The following MYL3 variants were observed in gnomAD, a reference collection of about 807,000 sequenced individuals.
MYL3 encodes the protein myosin light chain 3, also known as CMLC1.
Under a neutral mutation model 21.3 loss-of-function variants are expected in MYL3, and 11 were observed. That is an observed-to-expected ratio of 0.52 (90% CI 0.32 to 0.85). The LOEUF is 0.85. Ranked by LOEUF, MYL3 falls within the 40% of genes least tolerant of loss-of-function variation. The pLI is 0.03. For missense variants in MYL3, 206 were observed against 253.3 expected, an observed-to-expected ratio of 0.81 and a Z score of 1.27; for synonymous variants, 88 against 91.6, an observed-to-expected ratio of 0.96 and a Z score of 0.22.
At position 46,859,350 on chromosome 3, in the gene MYL3, T is replaced by G; in HGVS notation, c.481+125A>C. On this transcript the variant is annotated intron_variant, in intron 4 of 6. Transcript: ENST00000292327. This position sits in a 1 kb window ranked among gnomAD's most constrained non-coding sequence, Gnocchi z 4.1. ...AAGTAACATTTCTGTTGTCTGCCATTGAGGCTCCCTAATTATGTAACTCTC... is the reference window on the plus strand; with the variant it reads ...AAGTAACATTTCTGTTGTCTGCCATGGAGGCTCCCTAATTATGTAACTCTC... 1.0e-5 allele frequency: 13 copies of G among 1,258,858 alleles called. No individual in the cohort carries two copies. The highest frequency in any genetic ancestry group is 2.6e-5 in the South Asian group (2 of 77,978). The allele number at this position is 1,258,858 out of a possible 1,614,324, so 78.0% of individuals were successfully genotyped here. A position where few individuals can be genotyped will look rare whatever the true frequency, so the allele number is the denominator to read the frequency against.
At chr3:46,881,416 A>C (rs1409746461) in intron 1 of MYL3, among the ~76,000 whole-genome samples, 1 of 151,838 alleles carries the variant, frequency 6.6e-6, no homozygotes, top group Non-Finnish European at 1.5e-5. Flanking sequence ...GCCCGGTCCG[A>C]GCCGGCCGAT....
rs2030087904 is a variant in MYL3 at position 46,874,700 on chromosome 3, C to A, written c.-218+7374G>T. Among the ~76,000 whole-genome samples, 1 of 152,188 alleles carries A rather than the reference C, an allele frequency of 6.6e-6. No individual in the cohort carries two copies. Among genetic ancestry groups the A allele is most frequent in the African/African-American group, 2.4e-5 (1 of 41,432 alleles). ...GAGGCGGAAACACGTGTCAAACACG[C>A]CTGGGAGGGGGTATTCCGAGGCACA... On this transcript the variant is annotated intron_variant, in intron 1 of 3. Transcript: ENST00000431168. This position sits in a 1 kb window ranked among gnomAD's most constrained non-coding sequence, Gnocchi z 4.1.
chr3:46,859,342 T>C lies in MYL3; in HGVS notation c.481+133A>G, dbSNP rs1053020835. 3 of 1,142,172 alleles carry C rather than the reference T, an allele frequency of 2.6e-6. No homozygotes were observed. In the African/African-American group the frequency reaches 4.6e-5, roughly 17 times the overall value. 70.8% of individuals were successfully genotyped at this position (1,142,172 alleles called of 1,614,324 possible). ...CTCCTCCTAAGTAACATTTCTGTTG[T>C]CTGCCATTGAGGCTCCCTAATTATG... On this transcript the variant is annotated intron_variant, in intron 4 of 6. Transcript: ENST00000292327. The surrounding 1 kb of genome is among the most constrained non-coding windows in gnomAD (Gnocchi z 4.1).
At chr3:46,869,288 T>C (rs114188879) in intron 1 of MYL3, among the ~76,000 whole-genome samples, 3,068 of 152,168 alleles carry the variant, frequency 0.02, 52 homozygotes, top group Non-Finnish European at 0.033. Context: ...GGAGCTGCTA[T>C]TGAGGTTTGC....
At chr3:46,858,992 C>G (rs1701962000) in intron 4 of MYL3, among the ~76,000 whole-genome samples, 1 of 152,106 alleles carries the variant, frequency 6.6e-6, no homozygotes, top group Non-Finnish European at 1.5e-5. Flanking sequence ...GGAGCTGAAA[C>G]AGTAGACACT....
chr3:46,868,874 GGTCT>G (rs1702075048), intron 1 of MYL3, among the ~76,000 whole-genome samples: 1 of 152,214 alleles, frequency 6.6e-6, no homozygotes, highest in Admixed American at 6.5e-5. Flanking sequence ...GCATCAGTTG[GGTCT>G]GTGCATTCTG....
chr3:46,881,181 G>T (rs962831475), intron 1 of MYL3: 1 of 152,236 alleles, frequency 6.6e-6, no homozygotes, highest in Non-Finnish European at 1.5e-5. Context: ...TCATGCATTC[G>T]CTTCCTCCGC....
Position 46,859,797 on chromosome 3 carries a change from A to C in MYL3, c.308-149T>G. The C allele has an allele frequency of 1.1e-6, 1 of 932,560 alleles. No individual in the cohort carries two copies. The highest frequency in any genetic ancestry group is 1.7e-6 in the Non-Finnish European group (1 of 583,192). The allele number at this position is 932,560 out of a possible 1,614,324, so 57.8% of individuals were successfully genotyped here. ...TCACAGCAGTCTACACCAGTTTGCCATTTAAAAGCAAACTACCATCGCGAG... is the reference window on the plus strand; with the variant it reads ...TCACAGCAGTCTACACCAGTTTGCCCTTTAAAAGCAAACTACCATCGCGAG... On this transcript the variant is annotated intron_variant, in intron 3 of 6. Transcript: ENST00000292327. The surrounding 1 kb of genome is among the most constrained non-coding windows in gnomAD (Gnocchi z 4.1).
chr3:46,871,319 C>A (rs1203274478), intron 1 of MYL3, among the ~76,000 whole-genome samples: 2 of 152,038 alleles, frequency 1.3e-5, no homozygotes, highest in Non-Finnish European at 2.9e-5. Flanking sequence ...TCCTCTCACC[C>A]CACCCTACCC....
intron 1 of MYL3, among the ~76,000 whole-genome samples, chr3:46,870,497 T>A (rs1702099037): frequency 6.6e-6 from 1 of 151,862 alleles, no homozygotes; most frequent in African/African-American, 2.4e-5. Flanking sequence ...CACCCAGGGC[T>A]CTCCCCACTC....
chr3:46,865,299 C>T (rs943069393), upstream of MYL3, among the ~76,000 whole-genome samples: 2 of 151,370 alleles, frequency 1.3e-5, no homozygotes, highest in African/African-American at 2.4e-5. The surrounding 1 kb of genome is among the most constrained non-coding windows in gnomAD (Gnocchi z 4.3). Flanking sequence ...TTTCACTTTT[C>T]TTCCAAATGT....
At chr3:46,881,534 G>C (rs2030565365) in intron 1 of MYL3, among the ~76,000 whole-genome samples, 1 of 152,202 alleles carries the variant, frequency 6.6e-6, no homozygotes, top group African/African-American at 2.4e-5. Context: ...GTTGGGGCTG[G>C]GCAAGCTGGA....
chr3:46,880,775 C>CAGT (rs1553641056), intron 1 of MYL3, among the ~76,000 whole-genome samples: 1 of 151,780 alleles, frequency 6.6e-6, no homozygotes, highest in African/African-American at 2.4e-5. Context: ...AAAGTAGCAG[C>CAGT]AGAAGAAATA....
intron 1 of MYL3, among the ~76,000 whole-genome samples, chr3:46,876,107 G>A (rs991229779): frequency 3.3e-5 from 5 of 152,214 alleles, no homozygotes; most frequent in Admixed American, 2.0e-4. Flanking sequence ...CAAGTGCCTG[G>A]GCACTTTACA....
chr3:46,872,492 A>G (rs1420079559), intron 1 of MYL3, among the ~76,000 whole-genome samples: 1 of 51,436 alleles, frequency 1.9e-5, no homozygotes, highest in Non-Finnish European at 3.8e-5. Flanking sequence ...CCCCTGCCCC[A>G]CCTAGAATCA....
At chr3:46,882,180 G>T (rs1393342167), upstream of MYL3, 1 of 151,658 alleles carries the variant, frequency 6.6e-6, no homozygotes, top group Non-Finnish European at 1.5e-5. The surrounding 1 kb of genome is among the most constrained non-coding windows in gnomAD (Gnocchi z 4.3). Flanking sequence ...GGCGGCTGCG[G>T]AGGGGGTGGG....
chr3:46,862,881 C>T (rs1313194709), intron 1 of MYL3, among the ~76,000 whole-genome samples: 1 of 152,222 alleles, frequency 6.6e-6, no homozygotes, highest in Non-Finnish European at 1.5e-5. Context: ...GGACTTGGGA[C>T]CCCTCAGCTG....
rs937857201 is a variant in MYL3, at chr3:46,860,833, G to A, written c.158-8C>T. On this transcript the variant is annotated splice_region_variant and splice_polypyrimidine_tract_variant and intron_variant, in intron 2 of 6. Coordinates refer to ENST00000292327, the MANE Select transcript of MYL3 (RefSeq NM_000258.3). The surrounding 1 kb of genome is among the most constrained non-coding windows in gnomAD (Gnocchi z 4.6). The stretch of plus-strand genomic sequence containing the variant: ...TGAAGGCTTCCTTGAACTCTGCCAG[G>A]AGAGGGCAGTGAGCCACAGACACTC... The A allele has an allele frequency of 6.2e-7, 1 of 1,614,024 alleles. No individual in the cohort carries two copies. The highest frequency in any genetic ancestry group is 8.5e-7 in the Non-Finnish European group (1 of 1,179,976).
rs1226427203 is a variant in MYL3, at chr3:46,859,519, C to T, written c.437G>A (p.Gly146Asp). The T allele has an allele frequency of 1.9e-6, 3 of 1,614,222 alleles. No individual in the cohort carries two copies. The highest frequency in any genetic ancestry group is 3.3e-5 in the Admixed American group (2 of 60,026). The stretch of plus-strand genomic sequence containing the variant: ...GCGAAGCTCAGCACCCATGACAGTG[C>T]CATTGCCCTCCTTGTCGAAGACCCG... ...GLRVFDKEGN[G>D]TVMGAELRHV... Residue 146 changes from glycine (G) to aspartate (D), a missense_variant, in exon 4 of 7, where the codon GGC becomes GAC. Gly to Asp is a moderately conservative substitution (Grantham distance 94). Coordinates refer to ENST00000292327, the MANE Select transcript of MYL3 (RefSeq NM_000258.3). The surrounding 1 kb of genome is among the most constrained non-coding windows in gnomAD (Gnocchi z 4.1).
Sources: allele counts gnomAD v4.1 joint callset (sites outside exome capture counted in the v4.1 genomes callset), GRCh38; gene constraint gnomAD v4.1.1; non-coding constraint Gnocchi (gnomAD v3.1); transcripts MANE v1.5; gene names NCBI Gene and HGNC (gene_info 2026-07-23, HGNC 2026-07-21).